Variants in FHIT observed in about 807,000 individuals in gnomAD.
FHIT encodes the protein fragile histidine triad diadenosine triphosphatase.
A neutral mutation model predicts 17.9 loss-of-function variants in FHIT; 19 were observed. The observed-to-expected ratio is 1.06, with a 90% CI of 0.74 to 1.56. FHIT has a LOEUF of 1.56. FHIT is among the 40% of genes most tolerant of loss of function. The probability of loss-of-function intolerance (pLI) is 0.00; values close to 1 mark genes in which losing one functional copy is unlikely to be tolerated. For synonymous variants in FHIT, 81 were observed against 69.7 expected (o/e 1.16, Z -0.81); for missense variants, 248 against 189.2 (o/e 1.31, Z -1.82).
intron 5 of FHIT, among the ~76,000 whole-genome samples, chr3:60,029,458 G>T (rs998466879): frequency 2.0e-5 from 3 of 152,150 alleles, no homozygotes; most frequent in African/African-American, 7.2e-5. Context: ...GCAGATGAAG[G>T]AAAATCAAGG....
chr3:60,685,054 C>T (rs2040832851), intron 4 of FHIT, among the ~76,000 whole-genome samples: 1 of 152,118 alleles, frequency 6.6e-6, no homozygotes, highest in African/African-American at 2.4e-5. Flanking sequence ...GAAATCTGAA[C>T]AAACACACCT....
intron 5 of FHIT, among the ~76,000 whole-genome samples, chr3:60,095,603 A>G (rs1437596129): frequency 6.6e-6 from 1 of 152,224 alleles, no homozygotes; most frequent in Non-Finnish European, 1.5e-5. Context: ...AAGACGACCA[A>G]GCATGTAGAG....
intron 8 of FHIT, among the ~76,000 whole-genome samples, chr3:59,786,311 T>C (rs1699291664): frequency 1.3e-5 from 2 of 152,194 alleles, no homozygotes; most frequent in South Asian, 2.1e-4. Context: ...CACTGGCTAA[T>C]GCAAAAAACA....
chr3:61,011,486 A>T (rs538802640), intron 3 of FHIT, among the ~76,000 whole-genome samples: 1 of 152,182 alleles, frequency 6.6e-6, no homozygotes, highest in Non-Finnish European at 1.5e-5. Flanking sequence ...AACACTAATC[A>T]TCAACACACT....
At chr3:60,986,349 G>C (rs550493169) in intron 3 of FHIT, among the ~76,000 whole-genome samples, 45 of 152,264 alleles carry the variant, frequency 3.0e-4, no homozygotes, top group African/African-American at 9.9e-4. Flanking sequence ...GCAGAGGCTG[G>C]AATAGATCTT....
intron 5 of FHIT, among the ~76,000 whole-genome samples, chr3:60,184,222 T>C (rs1366111526): frequency 6.6e-6 from 1 of 152,108 alleles, no homozygotes; most frequent in East Asian, 1.9e-4. Context: ...TGGTGTGAGC[T>C]ACCATGCCTG....
intron 2 of FHIT, among the ~76,000 whole-genome samples, chr3:61,116,330 T>C (rs1305093005): frequency 6.6e-6 from 1 of 152,106 alleles, no homozygotes; most frequent in East Asian, 1.9e-4. Context: ...TTCTCCCAAA[T>C]ACTGAAGCAA....
chr3:59,760,325 C>T (rs2106778939), intron 8 of FHIT, among the ~76,000 whole-genome samples: 1 of 152,210 alleles, frequency 6.6e-6, no homozygotes, highest in South Asian at 2.1e-4. Context: ...ATAATTATGC[C>T]AAACCACTGT....
At chr3:60,179,130 A>AT (rs557471990) in intron 5 of FHIT, among the ~76,000 whole-genome samples, 54 of 152,198 alleles carry the variant, frequency 3.5e-4, no homozygotes, top group Non-Finnish European at 5.7e-4. Context: ...AATGGTATTT[A>AT]TTGCTACCTA....
intron 2 of FHIT, among the ~76,000 whole-genome samples, chr3:61,065,107 A>C (rs2034556411): frequency 2.6e-5 from 4 of 152,188 alleles, no homozygotes; most frequent in South Asian, 4.1e-4. Context: ...CAAACAAAAA[A>C]AAGACACATG....
Position 60,882,610 on chromosome 3 carries a change from C to T in FHIT, c.-110-60599G>A, listed in dbSNP as rs114661366. 6.4e-3 allele frequency among the ~76,000 whole-genome samples: 974 copies of T among 152,206 alleles called. 8 individuals are homozygous for T. The highest frequency in any genetic ancestry group is 0.023 in the African/African-American group (940 of 41,542). On this transcript the variant is annotated intron_variant, in intron 3 of 9. Transcript: ENST00000492590. ...TACTTCACATTAACAAAATGAAAGA[C>T]AAACACCATATGATCATCTCAATAG...
chr3:60,608,009 T>G (rs113523228), intron 4 of FHIT, among the ~76,000 whole-genome samples: 25 of 152,272 alleles, frequency 1.6e-4, no homozygotes, highest in East Asian at 1.4e-3. Flanking sequence ...CTTCTCTCAA[T>G]GAGTGAGGAT....
chr3:61,212,485 A>G (rs2039515073), intron 1 of FHIT, among the ~76,000 whole-genome samples: 1 of 152,256 alleles, frequency 6.6e-6, no homozygotes, highest in Non-Finnish European at 1.5e-5. Context: ...AAAGCCTCCA[A>G]GAAATATGGG....
At chr3:60,803,698 G>A (rs1701281986) in intron 4 of FHIT, among the ~76,000 whole-genome samples, 1 of 152,056 alleles carries the variant, frequency 6.6e-6, no homozygotes, top group Admixed American at 6.6e-5. Flanking sequence ...AGATTCCTAC[G>A]CTGTCCCTGC....
intron 7 of FHIT, among the ~76,000 whole-genome samples, chr3:59,979,325 G>T (rs1014127769): frequency 7.2e-5 from 11 of 152,088 alleles, no homozygotes; most frequent in African/African-American, 2.2e-4. Context: ...CAAAGCCAGA[G>T]ATATTTTTTA....
At chr3:61,212,857 T>C (rs1330803510) in intron 1 of FHIT, among the ~76,000 whole-genome samples, 1 of 152,184 alleles carries the variant, frequency 6.6e-6, no homozygotes, top group African/African-American at 2.4e-5. Flanking sequence ...TATTCAACAT[T>C]CTTAAAGGAA....
At chr3:59,780,659 G>T (rs1702542525) in intron 8 of FHIT, among the ~76,000 whole-genome samples, 1 of 152,182 alleles carries the variant, frequency 6.6e-6, no homozygotes, top group African/African-American at 2.4e-5. Flanking sequence ...GGATGGATTT[G>T]TGCCCTTATA....
At chr3:60,612,133 A>T (rs185681950) in intron 4 of FHIT, among the ~76,000 whole-genome samples, 1 of 152,120 alleles carries the variant, frequency 6.6e-6, no homozygotes, top group East Asian at 1.9e-4. Context: ...CTGGCATCCT[A>T]GGGGGGCTCT....
chr3:60,424,618 C>T (rs1702595782), intron 5 of FHIT, among the ~76,000 whole-genome samples: 1 of 152,020 alleles, frequency 6.6e-6, no homozygotes, highest in Non-Finnish European at 1.5e-5. Flanking sequence ...CACAAACATG[C>T]CCAAAATACA....
Sources: allele counts gnomAD v4.1 joint callset (sites outside exome capture counted in the v4.1 genomes callset), GRCh38; gene constraint gnomAD v4.1.1; transcripts MANE v1.5; gene names NCBI Gene and HGNC (gene_info 2026-07-23, HGNC 2026-07-21).